Variants in MSH6 observed in about 807,000 individuals in gnomAD.
MSH6 encodes mutS homolog 6.
In MSH6, 85 loss-of-function variants were observed where a neutral mutation model predicts 119.1. The ratio of observed to expected loss-of-function variants is 0.71; its 90% CI spans 0.60 to 0.85. The LOEUF is 0.85. Among genes scored for constraint, MSH6 ranks in the 40% least tolerant of loss-of-function variants. The pLI, the probability that MSH6 is intolerant of heterozygous loss-of-function variation, is 0.00. For missense variants in MSH6, 2,163 were observed against 1,655.3 expected (o/e 1.31, Z -5.32); for synonymous variants, 830 against 586.9 (o/e 1.41, Z -5.99).
intron 1 of MSH6, chr2:47,784,066 G>C: frequency 2.0e-5 from 20 of 1,011,906 alleles, no homozygotes; most frequent in Non-Finnish European, 2.4e-5. Flanking sequence ...AAGAGCCGCG[G>C]TCGCCGAGAC....
chr2:47,783,874 A>C, intron 1 of MSH6: 1 of 887,734 alleles, frequency 1.1e-6, no homozygotes, highest in Admixed American at 1.2e-4. Context: ...CGAGAAGGGG[A>C]AGGCGCCCGG....
At chr2:47,805,183 C>CTTTTT (rs35781475) in intron 6 of MSH6, among the ~76,000 whole-genome samples, 156 bp downstream of exon 6, 2 of 141,138 alleles carry the variant, frequency 1.4e-5, no homozygotes, top group Non-Finnish European at 1.6e-5. Flanking sequence ...GTCTCTCTCT[C>CTTTTT]TTTTTTTTTT....
chr2:47,790,710 C>T (rs1668670310), intron 1 of MSH6, among the ~76,000 whole-genome samples: 1 of 152,012 alleles, frequency 6.6e-6, no homozygotes, highest in Non-Finnish European at 1.5e-5. Context: ...AATAACATAA[C>T]TATATTTGTG....
At chr2:47,783,938 G>C in intron 1 of MSH6, 3 of 1,030,050 alleles carry the variant, frequency 2.9e-6, no homozygotes, top group Non-Finnish European at 3.5e-6. Flanking sequence ...GAATGCCTGC[G>C]GGAGGCCGAA....
At chr2:47,788,246 C>CTTTTTTTTTTTTTTTTTTTTTT (rs560110301) in intron 1 of MSH6, among the ~76,000 whole-genome samples, 5 of 90,052 alleles carry the variant, frequency 5.6e-5, no homozygotes, top group African/African-American at 9.7e-5. Context: ...TTCTTTCTTT[C>CTTTTTTTTTTTTTTTTTTTTTT]TTTTTTTTTT....
intron 4 of MSH6, among the ~76,000 whole-genome samples, chr2:47,801,968 C>A (rs565970822): frequency 3.9e-5 from 6 of 152,122 alleles, no homozygotes; most frequent in Non-Finnish European, 7.4e-5. Flanking sequence ...ATGTGTTATA[C>A]TTCATGAGAC....
At chr2:47,808,110 G>A (rs750785236), downstream of MSH6, 27 of 1,595,654 alleles carry the variant, frequency 1.7e-5, no homozygotes, top group Admixed American at 3.7e-4. Context: ...TTTCTTTAGG[G>A]AAGGAATTCA....
At chr2:47,792,690 G>A (rs1290633022) in intron 2 of MSH6, among the ~76,000 whole-genome samples, 1 of 151,920 alleles carries the variant, frequency 6.6e-6, no homozygotes, top group African/African-American at 2.4e-5. Flanking sequence ...TCAAGAGATG[G>A]GGGTCTCACT....
intron 7 of MSH6, 109 bp from the exon 8 acceptor site, chr2:47,806,095 C>A (rs925358972): frequency 1.3e-5 from 14 of 1,039,890 alleles, no homozygotes; most frequent in Non-Finnish European, 1.9e-5. Flanking sequence ...TGCTTTTAGA[C>A]GTGGATGTAC....
Position 47,806,315 on chromosome 2 carries a change from T to A in MSH6, c.3758T>A (p.Val1253Glu), listed in dbSNP as rs202066386. The A allele has an allele frequency of 7.1e-5, 115 of 1,614,156 alleles. No individual in the cohort carries two copies. The highest frequency in any genetic ancestry group is 6.9e-5 in the Non-Finnish European group (82 of 1,179,996). Residue 1253 changes from valine (V) to glutamate (E), a missense_variant, in exon 8 of 10, where the codon GTA becomes GAA. Val to Glu is a moderately radical substitution (Grantham distance 121). Transcript: ENST00000234420. ...TLFSTHYHSLVEDYSQNVAVR... is the reference protein window; with the variant it reads ...TLFSTHYHSLEEDYSQNVAVR... ...TTTTCAACTCACTACCATTCATTAG[T>A]AGAAGATTATTCTCAAAATGTTGCT...
At chr2:47,803,714 G>C (rs2104487997) in intron 5 of MSH6, 29 bp downstream of exon 5, 1 of 1,613,618 alleles carries the variant, frequency 6.2e-7, no homozygotes, top group East Asian at 2.2e-5. Flanking sequence ...TTTGTTATCA[G>C]AAAGTCATTT....
chr2:47,784,211 A>T (rs1462026815), intron 1 of MSH6: 1 of 1,003,622 alleles, frequency 1.0e-6, no homozygotes, highest in East Asian at 7.7e-5. Flanking sequence ...TGGGGAGCCG[A>T]AGTGCTGGGA....
In MSH6 at chr2:47,791,113, G is replaced by C. The variant is rs1553410379; in HGVS notation, c.447G>C (p.Lys149Asn). The C allele has an allele frequency of 5.6e-6, 9 of 1,614,056 alleles. No homozygotes were observed. The highest frequency in any genetic ancestry group is 7.6e-6 in the Non-Finnish European group (9 of 1,179,964). ...TRGWVSKRLL[K>N]PYTGSKSKEA... is the part of the protein sequence containing the mutation. Reference sequence around the variant, plus strand: ...GCTGGGTTAGCAAAAGGCTTTTAAAGCCATATACAGGTAAGAGTCACTACT... The same window carrying C: ...GCTGGGTTAGCAAAAGGCTTTTAAACCCATATACAGGTAAGAGTCACTACT... Residue 149 changes from lysine to asparagine, a missense_variant, in exon 2 of 10, where the codon AAG becomes AAC. Lys to Asn is a moderately conservative substitution (Grantham distance 94). Transcript: ENST00000234420.
intron 1 of MSH6, 102 bp from the exon 2 acceptor site, chr2:47,790,825 A>C: frequency 9.5e-7 from 1 of 1,051,806 alleles, no homozygotes; most frequent in Non-Finnish European, 1.5e-6. Context: ...CTGTGCTTCA[A>C]TATTAATGCC....
chr2:47,806,751 CTTTTTTTTT>C lies in MSH6; in HGVS notation c.4002-18_4002-10del, dbSNP rs59056100. ...GATGCACTATGAAAAAACAAAAAAA[CTTTTTTTTT>C]TTTTTTTTTAATTTTAAGGGAAGTT... On this transcript the variant is annotated intron_variant, in intron 9 of 9. Transcript: ENST00000234420. The C allele has an allele frequency of 4.2e-6, 6 of 1,444,646 alleles. No individual in the cohort carries two copies. Among genetic ancestry groups the C allele is most frequent in the Non-Finnish European group, 5.6e-6 (6 of 1,068,500 alleles). 89.5% of individuals were successfully genotyped at this position (1,444,646 alleles called of 1,614,324 possible). A position where few individuals can be genotyped will look rare whatever the true frequency, so the allele number is the denominator to read the frequency against.
At chr2:47,793,578 GC>G (rs1271953516) in intron 2 of MSH6, among the ~76,000 whole-genome samples, 6 of 151,230 alleles carry the variant, frequency 4.0e-5, no homozygotes, top group African/African-American at 7.3e-5. Context: ...CTGCACTCCA[GC>G]CTGGGGAACG....
rs863224624 is a variant in MSH6 at position 47,800,501 on chromosome 2, A to C, written c.2518A>C (p.Ser840Arg). ...SPLKSQNHPD[S>R]RAIMYEETTY... is the part of the protein sequence containing the mutation. Reference sequence around the variant, plus strand: ...CCTGAAGAGTCAGAACCACCCAGACAGCAGGGCTATAATGTATGAAGAAAC... The same window carrying C: ...CCTGAAGAGTCAGAACCACCCAGACCGCAGGGCTATAATGTATGAAGAAAC... Residue 840 changes from serine (S) to arginine (R), a missense_variant, in exon 4 of 10, where the codon AGC becomes CGC. Physicochemically the swap from Ser to Arg is moderately radical, Grantham distance 110. Coordinates refer to ENST00000234420, the MANE Select transcript of MSH6 (RefSeq NM_000179.3). 4 of 1,613,092 alleles carry C rather than the reference A, an allele frequency of 2.5e-6. No individual in the cohort carries two copies. Among genetic ancestry groups the C allele is most frequent in the Non-Finnish European group, 3.4e-6 (4 of 1,179,768 alleles).
At chr2:47,786,437 C>T (rs1238344684) in intron 1 of MSH6, among the ~76,000 whole-genome samples, 2 of 151,760 alleles carry the variant, frequency 1.3e-5, no homozygotes, top group African/African-American at 4.8e-5. Flanking sequence ...TGGGTTCCAG[C>T]GATTCTCCTG....
chr2:47,795,984 TA>T lies in MSH6; in HGVS notation c.551del (p.Asn184IlefsTer27). 1 of 1,614,082 alleles carries T rather than the reference TA, an allele frequency of 6.2e-7. No individual in the cohort carries two copies. On this transcript the variant is annotated frameshift_variant, in exon 3 of 10. Transcript: ENST00000234420. LOFTEE classifies it high-confidence loss of function. ...GCAATGCAACGTGCAGATGAAGCCT[TA>T]AATAAAGACAAGATTAAGAGGCTTG... The part of the protein sequence containing the change: ...LRAMQRADEA[L>X]NKDKIKRLEL...
Sources: gnomAD v4.1 joint callset for allele counts (sites outside exome capture counted in the v4.1 genomes callset) on GRCh38, gnomAD v4.1.1 for gene constraint, MANE v1.5 for transcripts, NCBI Gene and HGNC (gene_info 2026-07-23, HGNC 2026-07-21) for gene names.